Variants in CAMK2A observed in about 807,000 individuals in gnomAD.
CAMK2A encodes the protein calcium/calmodulin dependent protein kinase II alpha, also known as calcium/calmodulin-dependent protein kinase type II subunit alpha.
In CAMK2A, 7 loss-of-function variants were observed where a neutral mutation model predicts 79.2. The observed-to-expected ratio is 0.09, with a 90% CI of 0.05 to 0.17. The LOEUF (loss-of-function observed/expected upper bound fraction) is 0.17, where lower values mean the gene tolerates loss of function less well. Ranked by LOEUF, CAMK2A falls within the 10% of genes least tolerant of loss-of-function variation. The probability of loss-of-function intolerance (pLI) is 1.00; values close to 1 mark genes in which losing one functional copy is unlikely to be tolerated. For missense variants in CAMK2A, 214 were observed against 646.4 expected (o/e 0.33, Z 7.25); for synonymous variants, 242 against 251.7 (o/e 0.96, Z 0.36).
In CAMK2A at chr5:150,228,322, G is replaced by T. The variant is rs372610352; in HGVS notation, c.1143-36C>A. The T allele has an allele frequency of 4.2e-5, 64 of 1,520,868 alleles. No homozygotes were observed. In the African/African-American group the frequency reaches 7.0e-4, roughly 17 times the overall value. 94.2% of individuals were successfully genotyped at this position (1,520,868 alleles called of 1,614,324 possible). A position where few individuals can be genotyped will look rare whatever the true frequency, so the allele number is the denominator to read the frequency against. Reference sequence around the variant, plus strand: ...GAAGCCAGAGGGAAGAGGGACTGGGGCGGCTTCTCATTGGACCCTTGGAGG... The same window carrying T: ...GAAGCCAGAGGGAAGAGGGACTGGGTCGGCTTCTCATTGGACCCTTGGAGG... On this transcript the variant is annotated intron_variant, in intron 16 of 18. Transcript: ENST00000671881.
chr5:150,281,247 G>A (rs970841746), intron 1 of CAMK2A, among the ~76,000 whole-genome samples: 1 of 152,224 alleles, frequency 6.6e-6, no homozygotes, highest in Non-Finnish European at 1.5e-5. Context: ...TGAGCTGGGG[G>A]TATTTCAGAA....
intron 1 of CAMK2A, among the ~76,000 whole-genome samples, chr5:150,273,586 C>T (rs1482116304): frequency 1.3e-5 from 2 of 152,324 alleles, no homozygotes; most frequent in Middle Eastern, 3.4e-3. Flanking sequence ...ACTGCAGCCC[C>T]TGAGGTCCCC....
At chr5:150,265,073 TC>T in intron 2 of CAMK2A, 58 bp from the exon 3 acceptor site, 2 of 1,288,922 alleles carry the variant, frequency 1.6e-6, no homozygotes, top group Non-Finnish European at 2.3e-6. Context: ...ACCCTCCATC[TC>T]CCCCTTCTCA....
chr5:150,269,100 C>T (rs1227583774), intron 2 of CAMK2A, among the ~76,000 whole-genome samples: 1 of 152,038 alleles, frequency 6.6e-6, no homozygotes, highest in Non-Finnish European at 1.5e-5. Flanking sequence ...TGAATAGATC[C>T]ATTGGCTCAG....
intron 2 of CAMK2A, among the ~76,000 whole-genome samples, chr5:150,266,038 G>C (rs990431679): frequency 6.6e-6 from 1 of 152,196 alleles, no homozygotes; most frequent in Non-Finnish European, 1.5e-5. Context: ...CTTCCAGAGG[G>C]CTGTGTTGAT....
chr5:150,231,929 C>T (rs577462744), intron 15 of CAMK2A, among the ~76,000 whole-genome samples: 2 of 152,206 alleles, frequency 1.3e-5, no homozygotes, highest in South Asian at 2.1e-4. Flanking sequence ...ATTTGGGTGC[C>T]GATAGGAATT....
intron 3 of CAMK2A, among the ~76,000 whole-genome samples, chr5:150,261,846 A>C (rs1477909723): frequency 6.6e-6 from 1 of 152,200 alleles, no homozygotes. Context: ...TGCTATAGTC[A>C]TTAATGTGAT....
rs192111888 is a variant in CAMK2A at position 150,221,701 on chromosome 5, C to T, written c.*1009G>A. 1.9e-3 allele frequency: 736 copies of T among 394,716 alleles called. 1 individual carries two copies. The highest frequency in any genetic ancestry group is 0.014 in the African/African-American group (671 of 48,158). 24.5% of individuals were successfully genotyped at this position (394,716 alleles called of 1,614,324 possible). On this transcript the variant is annotated 3_prime_UTR_variant, in exon 19 of 19. Coordinates refer to ENST00000671881, the MANE Select transcript of CAMK2A (RefSeq NM_015981.4). ...AGGCCCTTCTCCCCGGAGCTGAGTC[C>T]ACCTTGGCCCCAATAACCACAGGTG...
chr5:150,275,839 C>T (rs1419226878), intron 1 of CAMK2A, among the ~76,000 whole-genome samples: 1 of 152,030 alleles, frequency 6.6e-6, no homozygotes, highest in Non-Finnish European at 1.5e-5. Flanking sequence ...CAGAAGGTCT[C>T]CCAGCTCCGT....
chr5:150,281,449 T>C (rs1449680955), intron 1 of CAMK2A, among the ~76,000 whole-genome samples: 2 of 152,244 alleles, frequency 1.3e-5, no homozygotes, highest in African/African-American at 4.8e-5. Flanking sequence ...CACCACGCAC[T>C]GGGCTAGAGT....
At position 150,219,698 on chromosome 5, in the gene CAMK2A, G is replaced by A. The variant is rs1377339008; in HGVS notation, c.*3012C>T. ...CAAATAGTAACAAAGAAACCAGCAC[G>A]GGGAGTCTGGCAAACTCATCCCCCA... On this transcript the variant is annotated 3_prime_UTR_variant, in exon 19 of 19. Coordinates refer to ENST00000671881, the MANE Select transcript of CAMK2A (RefSeq NM_015981.4). The A allele has an allele frequency of 2.0e-5, 3 of 151,424 alleles. No homozygotes were observed. Among genetic ancestry groups the A allele is most frequent in the Admixed American group, 6.6e-5 (1 of 15,142 alleles). 9.4% of individuals were successfully genotyped at this position (151,424 alleles called of 1,614,324 possible).
At chr5:150,271,292 A>G (rs1336842154) in intron 2 of CAMK2A, among the ~76,000 whole-genome samples, 2 of 152,120 alleles carry the variant, frequency 1.3e-5, no homozygotes, top group African/African-American at 4.8e-5. Context: ...GGTCCTTCAG[A>G]GACCCTCACC....
rs778469259 is a variant in CAMK2A at position 150,270,282 on chromosome 5, A to G, written c.157+2783T>C. ...TGGAACTCAGGCAGCTGCCTTTTTT[A>G]AAAAGCTCCCAAAGGTATTCGGCAG... is the stretch of plus-strand genomic sequence containing the variant. On this transcript the variant is annotated intron_variant, in intron 2 of 18. Transcript: ENST00000671881. Among the ~76,000 whole-genome samples the G allele has an allele frequency of 6.7e-4, 102 of 152,316 alleles. 1 individual carries two copies. The Middle Eastern group carries it at 0.014, about 20-fold the overall frequency.
chr5:150,275,064 G>A (rs561065622), intron 1 of CAMK2A, among the ~76,000 whole-genome samples: 38 of 152,346 alleles, frequency 2.5e-4, no homozygotes, highest in South Asian at 1.2e-3. Flanking sequence ...GGAAATGAGC[G>A]GCTGGGAAAC....
At position 150,267,874 on chromosome 5, in the gene CAMK2A, C is replaced by CT. The variant is rs796333078; in HGVS notation, c.158-2860dup. On this transcript the variant is annotated intron_variant, in intron 2 of 18. Coordinates refer to ENST00000671881, the MANE Select transcript of CAMK2A (RefSeq NM_015981.4). ...CCCACTCCTCCCCTCAGCCAAGGAG[C>CT]TTTTTTTTTTTTTTTTTGAGACAGA... 8.2e-3 allele frequency among the ~76,000 whole-genome samples: 1,087 copies of CT among 133,338 alleles called. 13 individuals carry two copies. The highest frequency in any genetic ancestry group is 0.012 in the Middle Eastern group (3 of 248). 87.5% of individuals were successfully genotyped at this position (133,338 alleles called of 152,430 possible).
intron 3 of CAMK2A, among the ~76,000 whole-genome samples, 199 bp from the exon 4 acceptor site, chr5:150,257,816 T>C (rs1019400113): frequency 3.9e-5 from 6 of 152,194 alleles, no homozygotes; most frequent in African/African-American, 1.4e-4. Flanking sequence ...CAGGCATTAC[T>C]GAAAGAGGGC....
chr5:150,233,531 TG>T, intron 15 of CAMK2A, among the ~76,000 whole-genome samples: 1 of 152,246 alleles, frequency 6.6e-6, no homozygotes, highest in East Asian at 1.9e-4. Context: ...CCTCTCTCTC[TG>T]GGGACTTTCC....
Position 150,284,746 on chromosome 5 carries a change from G to T in CAMK2A, c.62+4818C>A, listed in dbSNP as rs1757354276. Among the ~76,000 whole-genome samples the T allele has an allele frequency of 1.3e-5, 2 of 152,086 alleles. No individual in the cohort carries two copies. The highest frequency in any genetic ancestry group is 4.8e-5 in the African/African-American group (2 of 41,406). ...CACGTCATCTAGTCCCCTAGCCTGG[G>T]CCCTCTCTCTCCTGTGGCCTTGGAC... is the stretch of plus-strand genomic sequence containing the variant. On this transcript the variant is annotated intron_variant, in intron 1 of 18. Coordinates refer to ENST00000671881, the MANE Select transcript of CAMK2A (RefSeq NM_015981.4). The surrounding 1 kb of genome is among the most constrained non-coding windows in gnomAD (Gnocchi z 5.3).
At chr5:150,268,690 C>T (rs1044981759) in intron 2 of CAMK2A, among the ~76,000 whole-genome samples, 10 of 152,226 alleles carry the variant, frequency 6.6e-5, no homozygotes, top group African/African-American at 2.2e-4. Flanking sequence ...GTCCAAGATC[C>T]CATAGCAAAC....
Sources: allele counts gnomAD v4.1 joint callset (sites outside exome capture counted in the v4.1 genomes callset), GRCh38; gene constraint gnomAD v4.1.1; non-coding constraint Gnocchi (gnomAD v3.1); transcripts MANE v1.5; gene names NCBI Gene and HGNC (gene_info 2026-07-23, HGNC 2026-07-21).